RAD51B: variants seen among roughly 807,000 people sequenced by gnomAD.
The protein encoded by RAD51B is RAD51 paralog B.
A neutral mutation model predicts 42.2 loss-of-function variants in RAD51B; 38 were observed. That is an observed-to-expected ratio of 0.90 (90% CI 0.70 to 1.18). The LOEUF is 1.18. Among genes scored for constraint, RAD51B ranks in the 50% most tolerant of loss-of-function variants. RAD51B has a pLI of 0.00. For synonymous variants in RAD51B, 154 were observed against 145.2 expected, an observed-to-expected ratio of 1.06 and a Z score of -0.43; for missense variants, 373 against 400.7, an observed-to-expected ratio of 0.93 and a Z score of 0.59.
intron 7 of RAD51B, among the ~76,000 whole-genome samples, chr14:68,153,142 C>CT (rs1325090799): frequency 1.3e-5 from 2 of 152,054 alleles, no homozygotes; most frequent in Non-Finnish European, 2.9e-5. Flanking sequence ...GGGTCAATAT[C>CT]TTTAAGTGTT....
intron 7 of RAD51B, among the ~76,000 whole-genome samples, chr14:68,232,402 A>G (rs1227419236): frequency 6.6e-6 from 1 of 152,220 alleles, no homozygotes; most frequent in East Asian, 1.9e-4. Context: ...ATGGTGCTAT[A>G]TCCCCCAGGT....
intron 10 of RAD51B, among the ~76,000 whole-genome samples, chr14:68,511,897 C>CATTCATTCAGTTTTTACCAAGGA (rs1885755503): frequency 6.6e-6 from 1 of 152,196 alleles, no homozygotes; most frequent in African/African-American, 2.4e-5. Context: ...TTCATTCATT[C>CATTCATTCAGTTTTTACCAAGGA]ATTCATTCAG....
intron 7 of RAD51B, among the ~76,000 whole-genome samples, chr14:68,275,708 T>C (rs898677158): frequency 5.9e-5 from 9 of 152,042 alleles, no homozygotes; most frequent in Non-Finnish European, 1.2e-4. Flanking sequence ...AAATTAGGGC[T>C]TTTCCTTTCC....
intron 7 of RAD51B, among the ~76,000 whole-genome samples, chr14:68,181,488 T>C (rs1184661838): frequency 2.0e-5 from 3 of 152,340 alleles, no homozygotes; most frequent in African/African-American, 4.8e-5. Context: ...CTGTCCTTGA[T>C]TTTTTGTCAT....
At chr14:67,977,152 G>A (rs2075011299) in intron 7 of RAD51B, among the ~76,000 whole-genome samples, 1 of 152,182 alleles carries the variant, frequency 6.6e-6, no homozygotes, top group South Asian at 2.1e-4. Flanking sequence ...GTTTAAGTGG[G>A]TGAATATGTC....
At chr14:68,593,500 T>C (rs1890849584) in intron 10 of RAD51B, among the ~76,000 whole-genome samples, 1 of 152,168 alleles carries the variant, frequency 6.6e-6, no homozygotes, top group Admixed American at 6.5e-5. Flanking sequence ...GGCCTGTCTC[T>C]GTAGGTGGTT....
chr14:68,604,142 C>T (rs770032455), intron 10 of RAD51B, among the ~76,000 whole-genome samples: 15 of 152,190 alleles, frequency 9.9e-5, no homozygotes, highest in Non-Finnish European at 2.2e-4. Context: ...CTGGGGAGTC[C>T]GTCTAGAAAG....
At chr14:68,568,921 T>A (rs1216102844) in intron 10 of RAD51B, among the ~76,000 whole-genome samples, 1 of 152,184 alleles carries the variant, frequency 6.6e-6, no homozygotes, top group Non-Finnish European at 1.5e-5. Context: ...CCTGCATGGC[T>A]TCCTCTCCCC....
At chr14:68,062,155 TC>T (rs559659728) in intron 7 of RAD51B, among the ~76,000 whole-genome samples, 42 of 152,316 alleles carry the variant, frequency 2.8e-4, no homozygotes, top group East Asian at 2.3e-3. Context: ...GTTGAGATGA[TC>T]TTTTTTTGTT....
chr14:68,357,056 T>G (rs999578728), intron 8 of RAD51B, among the ~76,000 whole-genome samples: 11 of 152,166 alleles, frequency 7.2e-5, no homozygotes, highest in Non-Finnish European at 1.6e-4. Flanking sequence ...GATTGCTCTG[T>G]AGCATGTCAT....
At chr14:67,995,105 CGGCCG>C (rs1266132972) in intron 7 of RAD51B, among the ~76,000 whole-genome samples, 1 of 151,912 alleles carries the variant, frequency 6.6e-6, no homozygotes, top group Non-Finnish European at 1.5e-5. Context: ...AAGACACACT[CGGCCG>C]GGCATGGTTG....
rs191532817 is a variant in RAD51B at position 68,416,091 on chromosome 14, A to G, written c.957+4564A>G. 5.9e-5 allele frequency among the ~76,000 whole-genome samples: 9 copies of G among 152,254 alleles called. No homozygotes were observed. The East Asian group carries it at 9.6e-4, about 16-fold the overall frequency. On this transcript the variant is annotated intron_variant, in intron 9 of 10. Coordinates refer to ENST00000471583, the MANE Select transcript of RAD51B (RefSeq NM_133510.4). ...GCCTGAAGTACCTAGTAAATTGTTG[A>G]CAGAACCAATATCACTCAAGCTGCT...
intron 7 of RAD51B, among the ~76,000 whole-genome samples, chr14:68,209,579 G>A (rs180955466): frequency 2.9e-4 from 44 of 152,214 alleles, no homozygotes; most frequent in Non-Finnish European, 5.1e-4. Flanking sequence ...CAGAAGTGAG[G>A]GCGAAGAGAA....
At chr14:67,995,860 G>A (rs56081750) in intron 7 of RAD51B, among the ~76,000 whole-genome samples, 8 of 151,932 alleles carry the variant, frequency 5.3e-5, no homozygotes, top group Middle Eastern at 3.4e-3. Flanking sequence ...CTCGTGATCC[G>A]CCCGCCTTGG....
intron 5 of RAD51B, among the ~76,000 whole-genome samples, chr14:67,880,134 T>G (rs570934451): frequency 6.6e-6 from 1 of 152,224 alleles, no homozygotes; most frequent in Non-Finnish European, 1.5e-5. Flanking sequence ...TCCACTGATC[T>G]GAACAAAAAG....
chr14:68,419,009 A>C (rs1158878249), intron 9 of RAD51B, among the ~76,000 whole-genome samples: 1 of 152,206 alleles, frequency 6.6e-6, no homozygotes, highest in African/African-American at 2.4e-5. Context: ...AAATTTAAAA[A>C]TCCCAGGTGT....
chr14:68,047,924 T>C (rs2076329080), intron 7 of RAD51B, among the ~76,000 whole-genome samples: 1 of 152,176 alleles, frequency 6.6e-6, no homozygotes, highest in African/African-American at 2.4e-5. Flanking sequence ...AAATGAAATA[T>C]TTTTAACCGA....
At chr14:68,212,089 A>G (rs1241093418) in intron 7 of RAD51B, among the ~76,000 whole-genome samples, 1 of 152,232 alleles carries the variant, frequency 6.6e-6, no homozygotes, top group African/African-American at 2.4e-5. Flanking sequence ...AGGGGAAGGC[A>G]TCATGCCTAA....
intron 8 of RAD51B, among the ~76,000 whole-genome samples, chr14:68,392,375 A>G (rs962229404): frequency 7.2e-5 from 11 of 152,190 alleles, no homozygotes; most frequent in African/African-American, 2.4e-4. Flanking sequence ...ACCAAGGCAC[A>G]GCTCAAGATG....
Sources: allele counts gnomAD v4.1 joint callset (sites outside exome capture counted in the v4.1 genomes callset), GRCh38; gene constraint gnomAD v4.1.1; transcripts MANE v1.5; gene names NCBI Gene and HGNC (gene_info 2026-07-23, HGNC 2026-07-21).